Variants in SI observed in about 807,000 individuals in gnomAD.
SI encodes the protein sucrase-isomaltase, also known as sucrase-isomaltase, intestinal.
Under a neutral mutation model 253.3 loss-of-function variants are expected in SI, and 235 were observed. That is an observed-to-expected ratio of 0.93 (90% CI 0.83 to 1.03). SI has a LOEUF of 1.03. SI is among the 50% of genes least tolerant of loss of function. The pLI, the probability that SI is intolerant of heterozygous loss-of-function variation, is 0.00. For missense variants in SI, 2,442 were observed against 2,211.1 expected (o/e 1.10, Z -2.09); for synonymous variants, 819 against 712.0 (o/e 1.15, Z -2.39).
chr3:164,980,022 C>T (rs185491971), intron 47 of SI, among the ~76,000 whole-genome samples: 7 of 151,710 alleles, frequency 4.6e-5, no homozygotes, highest in Admixed American at 2.0e-4. Context: ...TATGATATGA[C>T]GATTTCAGGA....
intron 45 of SI, among the ~76,000 whole-genome samples, chr3:164,986,680 A>G (rs1031511862): frequency 2.0e-4 from 30 of 152,144 alleles, no homozygotes. Context: ...TCTCATGTTA[A>G]CGTGTGCTTT....
At chr3:165,032,411 G>A in intron 24 of SI, 111 bp downstream of exon 24, 1 of 666,004 alleles carries the variant, frequency 1.5e-6, no homozygotes, top group Non-Finnish European at 2.5e-6. Flanking sequence ...GCAACGAAGG[G>A]AAGAAAGGAA....
chr3:165,003,479 T>A (rs1718352199), intron 37 of SI, among the ~76,000 whole-genome samples: 1 of 152,058 alleles, frequency 6.6e-6, no homozygotes, highest in Admixed American at 6.6e-5. Flanking sequence ...TTAAAATAAC[T>A]TAGTGTTTTA....
Position 165,023,753 on chromosome 3 carries a change from AG to A in SI, c.2915del (p.Pro972LeufsTer24). 1 of 1,610,138 alleles carries A rather than the reference AG, an allele frequency of 6.2e-7. No individual in the cohort carries two copies. The highest frequency in any genetic ancestry group is 8.5e-7 in the Non-Finnish European group (1 of 1,177,362). On this transcript the variant is annotated frameshift_variant, in exon 26 of 48. Transcript: ENST00000264382. LOFTEE classifies it high-confidence loss of function. ...TATCTTGTCTGGGAAAGTAACACTC[AG>A]GTGCTTTGGATAGAGAAGAACCCTA... is the stretch of plus-strand genomic sequence containing the variant. ...WRTGSSLSKA[P>X]ECYFPRQDNS...
Position 165,017,279 on chromosome 3 carries a change from G to A in SI, c.3759+269C>T, listed in dbSNP as rs982798307. Among the ~76,000 whole-genome samples the A allele has an allele frequency of 2.0e-5, 3 of 151,910 alleles. No homozygotes were observed. In the East Asian group the frequency reaches 5.8e-4, roughly 29 times the overall value. ...ACTGCCTGTACAACCCAGAGTTTGT[G>A]AGAGGAAATCAAGTGCACAGTGACT... On this transcript the variant is annotated intron_variant, in intron 31 of 47. Transcript: ENST00000264382.
intron 22 of SI, among the ~76,000 whole-genome samples, chr3:165,034,549 A>C (rs1053828364): frequency 6.6e-6 from 1 of 151,988 alleles, no homozygotes; most frequent in African/African-American, 2.4e-5. Flanking sequence ...AAGCCAGAGA[A>C]TAGGTTTGGA....
chr3:164,996,634 A>G lies in SI; in HGVS notation c.4593T>C (p.Cys1531=), dbSNP rs779692980. 18 of 1,595,952 alleles carry G rather than the reference A, an allele frequency of 1.1e-5. No homozygotes were observed. The highest frequency in any genetic ancestry group is 1.5e-5 in the Non-Finnish European group (18 of 1,164,344). The part of the protein sequence containing the change: ...FGMSYTGADI[C]GFFNNSEYHL... The stretch of plus-strand genomic sequence containing the variant: ...GATATTCTGAGTTGTTGAAAAAACC[A>G]CAGATGTCTGCTCCAGTCTAAAATA... The change falls in exon 40 of 48, where the codon TGT becomes TGC. Residue 1531 remains cysteine, a synonymous_variant. Coordinates refer to ENST00000264382, the MANE Select transcript of SI (RefSeq NM_001041.4).
At position 165,015,973 on chromosome 3, in the gene SI, TC is replaced by T; in HGVS notation, c.3866del (p.Gly1289GlufsTer2). 1 of 1,611,018 alleles carries T rather than the reference TC, an allele frequency of 6.2e-7. No individual in the cohort carries two copies. Among genetic ancestry groups the T allele is most frequent in the South Asian group, 1.1e-5 (1 of 91,038 alleles). The part of the protein sequence containing the change: ...PQFVDKIRGE[G>X]MRYIIILDPA... ...TGACCAGGATAATAATGTATCTCAT[TC>T]CTTCTCCTCTTATTTTGTCAACAAA... is the stretch of plus-strand genomic sequence containing the variant. On this transcript the variant is annotated frameshift_variant, in exon 32 of 48. Transcript: ENST00000264382. LOFTEE classifies it high-confidence loss of function.
chr3:165,061,005 C>T (rs958310333), intron 9 of SI, among the ~76,000 whole-genome samples: 1 of 151,150 alleles, frequency 6.6e-6, no homozygotes, highest in Non-Finnish European at 1.5e-5. Flanking sequence ...TTATTTCAAA[C>T]TTGATATCAA....
At chr3:165,081,906 A>G (rs1413620293), upstream of SI, among the ~76,000 whole-genome samples, 1 of 152,052 alleles carries the variant, frequency 6.6e-6, no homozygotes, top group Non-Finnish European at 1.5e-5. Flanking sequence ...GCAAGACACC[A>G]GAACCATTGG....
At position 165,021,235 on chromosome 3, in the gene SI, C is replaced by T; in HGVS notation, c.3248G>A (p.Arg1083Lys). The part of the protein sequence containing the change: ...GIQIRRRSSG[R>K]VIWDSWLPGF... The stretch of plus-strand genomic sequence containing the variant: ...AAATAATTCAATTACTTACATGACT[C>T]TTCCACTGCTTCTCCGTCGAATCTG... The change falls in exon 27 of 48, where the codon AGA becomes AAA. Residue 1083 changes from arginine to lysine, a missense_variant. Physicochemically the swap from Arg to Lys is conservative, Grantham distance 26. Transcript: ENST00000264382. The T allele has an allele frequency of 6.2e-7, 1 of 1,610,242 alleles. No individual in the cohort carries two copies. Among genetic ancestry groups the T allele is most frequent in the East Asian group, 2.2e-5 (1 of 44,706 alleles).
At chr3:165,041,479 C>T (rs554938346) in intron 17 of SI, among the ~76,000 whole-genome samples, 7 of 152,040 alleles carry the variant, frequency 4.6e-5, no homozygotes, top group Non-Finnish European at 7.4e-5. Context: ...TTCGATGTGG[C>T]GCTCAGTCAT....
chr3:165,068,229 G>A (rs1714361616), intron 5 of SI, among the ~76,000 whole-genome samples: 1 of 152,002 alleles, frequency 6.6e-6, no homozygotes. Context: ...TCTTGAGAAT[G>A]TTTATTTTCT....
At chr3:165,015,381 TA>T in intron 32 of SI, 148 bp from the exon 33 acceptor site, 1 of 657,850 alleles carries the variant, frequency 1.5e-6, no homozygotes, top group South Asian at 1.8e-5. Flanking sequence ...ATCAGTGTTC[TA>T]GCTAGATTTC....
chr3:165,067,762 C>A lies in SI; in HGVS notation c.484-271G>T, dbSNP rs371894010. Among the ~76,000 whole-genome samples the A allele has an allele frequency of 4.0e-5, 6 of 151,830 alleles. No individual in the cohort carries two copies. The East Asian group carries it at 9.7e-4, about 24-fold the overall frequency. ...TTTTTATTGACTGATATAAAAATGA[C>A]AGTATTACCAAATATTGATTACAGA... On this transcript the variant is annotated intron_variant, in intron 5 of 47. Coordinates refer to ENST00000264382, the MANE Select transcript of SI (RefSeq NM_001041.4).
At chr3:165,039,723 T>C (rs1242378622) in intron 19 of SI, among the ~76,000 whole-genome samples, 164 bp downstream of exon 19, 1 of 152,132 alleles carries the variant, frequency 6.6e-6, no homozygotes, top group Non-Finnish European at 1.5e-5. Flanking sequence ...TTAATATTTT[T>C]ATAACATTTT....
intron 22 of SI, among the ~76,000 whole-genome samples, chr3:165,035,061 A>G (rs953161241): frequency 6.6e-6 from 1 of 151,980 alleles, no homozygotes. Flanking sequence ...CATCTGTAGC[A>G]ATGAAGTTAC....
At chr3:165,074,396 G>A in intron 3 of SI, 135 bp downstream of exon 3, 1 of 482,594 alleles carries the variant, frequency 2.1e-6, no homozygotes, top group Non-Finnish European at 3.4e-6. Context: ...TTAATAGGAA[G>A]CTATAATAAA....
intron 31 of SI, among the ~76,000 whole-genome samples, chr3:165,016,815 A>G (rs1048828132): frequency 2.0e-5 from 3 of 151,946 alleles, no homozygotes; most frequent in Non-Finnish European, 4.4e-5. Context: ...CTTTTAAATA[A>G]TAAATTTCCA....
Sources: allele counts gnomAD v4.1 joint callset (sites outside exome capture counted in the v4.1 genomes callset), GRCh38; gene constraint gnomAD v4.1.1; transcripts MANE v1.5; gene names NCBI Gene and HGNC (gene_info 2026-07-23, HGNC 2026-07-21).